The following GALNT6 variants were observed in gnomAD, a reference collection of about 807,000 sequenced individuals.
GALNT6 encodes polypeptide N-acetylgalactosaminyltransferase 6.
GALNT6 carries 51 observed loss-of-function variants against 65.9 expected under a neutral mutation model. That is an observed-to-expected ratio of 0.77 (90% CI 0.62 to 0.98). GALNT6 has a LOEUF of 0.98. GALNT6 is among the 50% of genes least tolerant of loss of function. GALNT6 has a pLI of 0.00. For synonymous variants in GALNT6, 323 were observed against 315.1 expected, an observed-to-expected ratio of 1.02 and a Z score of -0.26; for missense variants, 708 against 803.3, an observed-to-expected ratio of 0.88 and a Z score of 1.43.
At chr12:51,383,346 C>T (rs996912150) in intron 2 of GALNT6, 4 of 152,238 alleles carry the variant, frequency 2.6e-5, no homozygotes, top group Non-Finnish European at 5.9e-5. Context: ...CAGGCTTCGT[C>T]TTCCCTGCTA....
chr12:51,379,709 A>G lies in GALNT6; in HGVS notation c.73T>C (p.Phe25Leu), dbSNP rs1208946932. 1.9e-6 allele frequency: 3 copies of G among 1,613,956 alleles called. No homozygotes were observed. In the South Asian group the frequency reaches 3.3e-5, roughly 18 times the overall value. Residue 25 changes from phenylalanine to leucine, a missense_variant, in exon 3 of 12, where the codon TTC (phenylalanine) becomes CTC (leucine). Phe to Leu is a conservative substitution (Grantham distance 22, BLOSUM62 0). Coordinates refer to ENST00000356317, the MANE Select transcript of GALNT6 (RefSeq NM_007210.4). Reference protein sequence around the residue: ...MVGCAFVLFLFLLHRDVSSRE... With the variant: ...MVGCAFVLFLLLLHRDVSSRE... ...CTGCTCACATCCCTATGCAGGAGGAAGAGGAAGAGCACAAAGGCGCAGCCC... is the reference window on the plus strand; with the variant it reads ...CTGCTCACATCCCTATGCAGGAGGAGGAGGAAGAGCACAAAGGCGCAGCCC...
In GALNT6 at chr12:51,351,991, G is replaced by A. The variant is rs977183735; in HGVS notation, c.*2388C>T. The A allele has an allele frequency of 6.6e-6, 1 of 151,988 alleles. No homozygotes were observed. Among genetic ancestry groups the A allele is most frequent in the African/African-American group, 2.4e-5 (1 of 41,372 alleles). The allele number at this position is 151,988 out of a possible 1,614,324, so 9.4% of individuals were successfully genotyped here. On this transcript the variant is annotated 3_prime_UTR_variant, in exon 12 of 12. Transcript: ENST00000356317. ...GTACCCTGGCCACTCCTTTCCTTTTGGCTGGCCAATGTCTCCTCTGTAGGC... is the reference window on the plus strand; with the variant it reads ...GTACCCTGGCCACTCCTTTCCTTTTAGCTGGCCAATGTCTCCTCTGTAGGC...
Position 51,353,300 on chromosome 12 carries a change from C to T in GALNT6, c.*1079G>A, listed in dbSNP as rs1023575807. ...AAGGAGATATCTGTAAACAGTTCTA[C>T]AGACTTCAGGTAATAATAGCAAGGG... On this transcript the variant is annotated 3_prime_UTR_variant, in exon 12 of 12. Transcript: ENST00000356317. 2.0e-5 allele frequency: 3 copies of T among 152,004 alleles called. No homozygotes were observed. Among genetic ancestry groups the T allele is most frequent in the South Asian group, 4.1e-4 (2 of 4,822 alleles). 9.4% of individuals were successfully genotyped at this position (152,004 alleles called of 1,614,324 possible). A position where few individuals can be genotyped will look rare whatever the true frequency, so the allele number is the denominator to read the frequency against.
intron 3 of GALNT6, 34 bp downstream of exon 3, chr12:51,379,257 T>C (rs1947573794): frequency 1.3e-6 from 2 of 1,513,942 alleles, no homozygotes; most frequent in Non-Finnish European, 8.8e-7. Context: ...AGCAAAGCCC[T>C]GGTCTCCCCA....
In GALNT6 at chr12:51,379,665, C is replaced by T. The variant is rs777399361; in HGVS notation, c.117G>A (p.Glu39=). ...RDVSSREEAT[E]KPWLKSLVSR... ...TCACCAGGGACTTCAGCCACGGCTT[C>T]TCTGTGGCCTCCTCTCTGCTGCTCA... The change falls in exon 3 of 12, where the codon GAG becomes GAA. Residue 39 remains glutamate, a synonymous_variant. Transcript: ENST00000356317. 1 of 1,614,140 alleles carries T rather than the reference C, an allele frequency of 6.2e-7. No individual in the cohort carries two copies. Among genetic ancestry groups the T allele is most frequent in the South Asian group, 1.1e-5 (1 of 91,086 alleles).
At chr12:51,372,838 C>A (rs1947332075) in intron 4 of GALNT6, among the ~76,000 whole-genome samples, 2 of 152,216 alleles carry the variant, frequency 1.3e-5, no homozygotes, top group Admixed American at 6.5e-5. Flanking sequence ...CCCCCACGTC[C>A]AAGGCTACGG....
chr12:51,371,618 A>G (rs1406879141), intron 4 of GALNT6, among the ~76,000 whole-genome samples: 1 of 151,992 alleles, frequency 6.6e-6, no homozygotes, highest in Non-Finnish European at 1.5e-5. Flanking sequence ...TAATTTAGTT[A>G]AGCTGGTGGA....
At chr12:51,365,918 CT>C in intron 4 of GALNT6, among the ~76,000 whole-genome samples, 1 of 152,192 alleles carries the variant, frequency 6.6e-6, no homozygotes, top group South Asian at 2.1e-4. Context: ...CAAGTACAAA[CT>C]TTTTGTTGTT....
intron 2 of GALNT6, among the ~76,000 whole-genome samples, chr12:51,390,579 C>T (rs1948036722): frequency 2.0e-5 from 3 of 152,228 alleles, no homozygotes; most frequent in Admixed American, 2.0e-4. Flanking sequence ...GCTCATCTGT[C>T]TGGAGCGGAG....
At chr12:51,377,506 C>T (rs1592345432) in intron 3 of GALNT6, 139 bp from the exon 4 acceptor site, 4 of 703,434 alleles carry the variant, frequency 5.7e-6, no homozygotes, top group African/African-American at 1.8e-5. Flanking sequence ...CAGGTGGGAA[C>T]AGCTGTTCCC....
In GALNT6 at chr12:51,377,298, G is replaced by C; in HGVS notation, c.561C>G (p.Asn187Lys). 2 of 1,613,466 alleles carry C rather than the reference G, an allele frequency of 1.2e-6. No homozygotes were observed. The highest frequency in any genetic ancestry group is 3.6e-4 in the Middle Eastern group (2 of 5,606). ...ATTSVIIVFH[N>K]EAWSTLLRTV... ...TTCGCAGCAGTGTGGACCAGGCTTC[G>C]TTGTGGAACACAATGATCACGCTGG... The change falls in exon 4 of 12, where the codon AAC becomes AAG. Residue 187 changes from asparagine (N) to lysine (K), a missense_variant. Asn to Lys is a moderately conservative substitution (Grantham distance 94). Coordinates refer to ENST00000356317, the MANE Select transcript of GALNT6 (RefSeq NM_007210.4).
chr12:51,373,814 C>T (rs1947366172), intron 4 of GALNT6, among the ~76,000 whole-genome samples: 1 of 152,174 alleles, frequency 6.6e-6, no homozygotes, highest in Admixed American at 6.5e-5. Flanking sequence ...ATTCCTTGTC[C>T]ACCAGACCCT....
In GALNT6 at chr12:51,359,124, C is replaced by A. The variant is rs1401139099; in HGVS notation, c.1368+8G>T. ...ATCTAAACCTCTCCGAGAACCATTTCCTCTCACCTCTTGGGCCATCTTTGC... is the reference window on the plus strand; with the variant it reads ...ATCTAAACCTCTCCGAGAACCATTTACTCTCACCTCTTGGGCCATCTTTGC... On this transcript the variant is annotated splice_region_variant and intron_variant, in intron 8 of 11. Transcript: ENST00000356317. 1 of 1,607,932 alleles carries A rather than the reference C, an allele frequency of 6.2e-7. No individual in the cohort carries two copies.
At chr12:51,379,143 A>G in intron 3 of GALNT6, 148 bp downstream of exon 3, 1 of 775,450 alleles carries the variant, frequency 1.3e-6, no homozygotes, top group Non-Finnish European at 1.9e-6. Context: ...TTGTTCTGGG[A>G]AAGAAGTGAG....
intron 7 of GALNT6, 22 bp downstream of exon 7, chr12:51,360,699 C>G (rs753321051): frequency 6.4e-6 from 9 of 1,411,866 alleles, no homozygotes; most frequent in African/African-American, 2.8e-5. Flanking sequence ...GTGGTTCCCC[C>G]CAAAGCCCTC....
intron 4 of GALNT6, among the ~76,000 whole-genome samples, chr12:51,367,746 A>T (rs1295778582): frequency 6.6e-6 from 1 of 152,236 alleles, no homozygotes; most frequent in Non-Finnish European, 1.5e-5. Context: ...CCACAAATGC[A>T]CGCACACAAT....
In GALNT6 at chr12:51,390,170, T is replaced by C. The variant is rs866488990; in HGVS notation, c.-104+680A>G. On this transcript the variant is annotated intron_variant, in intron 2 of 11. Coordinates refer to ENST00000356317, the MANE Select transcript of GALNT6 (RefSeq NM_007210.4). ...TTTCTTTCTTTCTTTTTTTTTTTTTTTTTTTTTTTGAGACAGAGTTTTGCT... is the reference window on the plus strand; with the variant it reads ...TTTCTTTCTTTCTTTTTTTTTTTTTCTTTTTTTTTGAGACAGAGTTTTGCT... Among the ~76,000 whole-genome samples, 17 of 147,768 alleles carry C rather than the reference T, an allele frequency of 1.2e-4. No homozygotes were observed. The South Asian group carries it at 1.3e-3, about 11-fold the overall frequency.
intron 8 of GALNT6, 36 bp downstream of exon 8, chr12:51,359,096 T>A: frequency 1.3e-6 from 2 of 1,551,482 alleles, no homozygotes; most frequent in Non-Finnish European, 1.8e-6. Flanking sequence ...CGTACTTCTC[T>A]TCATCTAAAC....
chr12:51,386,521 GT>G (rs1244725350), intron 2 of GALNT6, among the ~76,000 whole-genome samples: 4 of 152,188 alleles, frequency 2.6e-5, no homozygotes, highest in Admixed American at 2.6e-4. Context: ...TGGCCTCTTT[GT>G]AACAATGTTT....
Sources: gnomAD v4.1 joint callset for allele counts (sites outside exome capture counted in the v4.1 genomes callset) on GRCh38, gnomAD v4.1.1 for gene constraint, MANE v1.5 for transcripts, NCBI Gene and HGNC (gene_info 2026-07-23, HGNC 2026-07-21) for gene names.